WDR27: variants seen among roughly 807,000 people sequenced by gnomAD.
The protein encoded by WDR27 is WD repeat-containing protein 27.
WDR27 carries 100 observed loss-of-function variants against 114.4 expected under a neutral mutation model. The observed-to-expected ratio is 0.87, with a 90% CI of 0.74 to 1.03. The LOEUF is 1.03. Ranked by LOEUF, WDR27 falls within the 50% of genes least tolerant of loss-of-function variation. The pLI is 0.00. For synonymous variants in WDR27, 449 were observed against 423.1 expected, an observed-to-expected ratio of 1.06 and a Z score of -0.75; for missense variants, 1,129 against 1,092.9, an observed-to-expected ratio of 1.03 and a Z score of -0.47.
chr6:169,594,635 T>C (rs1325387263), intron 23 of WDR27, among the ~76,000 whole-genome samples: 1 of 152,254 alleles, frequency 6.6e-6, no homozygotes, highest in African/African-American at 2.4e-5. Context: ...TCATTGTGAA[T>C]TTTAGTCTTT....
intron 25 of WDR27, among the ~76,000 whole-genome samples, chr6:169,467,555 T>G (rs1785757092): frequency 6.6e-6 from 1 of 152,244 alleles, no homozygotes; most frequent in African/African-American, 2.4e-5. Flanking sequence ...GTTTCCACCC[T>G]CTGAAGCAAT....
At position 169,562,718 on chromosome 6, in the gene WDR27, C is replaced by T. The variant is rs148587253; in HGVS notation, c.2645+9701G>A. 2.1e-3 allele frequency among the ~76,000 whole-genome samples: 321 copies of T among 152,100 alleles called. 1 individual carries two copies. Among genetic ancestry groups the T allele is most frequent in the African/African-American group, 7.4e-3 (308 of 41,466 alleles). ...CACAGTGAGACCAGTGGGAGCTGGA[C>T]GGAAGGTTAGGCTCAGGGACATTTG... On this transcript the variant is annotated intron_variant, in intron 25 of 25. Transcript: ENST00000448612.
chr6:169,441,975 T>G, the WDR27 span, among the ~76,000 whole-genome samples: 2 of 152,218 alleles, frequency 1.3e-5, no homozygotes, highest in African/African-American at 4.8e-5. Flanking sequence ...AGGTTCTATT[T>G]TTATGTTTAT....
Position 169,543,952 on chromosome 6 carries a change from A to G in WDR27, c.2645+28467T>C, listed in dbSNP as rs77677359. On this transcript the variant is annotated intron_variant, in intron 25 of 25. Transcript: ENST00000448612. The stretch of plus-strand genomic sequence containing the variant: ...TGCAGATTTCAAATATTGACATATT[A>G]CATTATACAATATCAAAACATCACA... Among the ~76,000 whole-genome samples, 266 of 152,368 alleles carry G rather than the reference A, an allele frequency of 1.7e-3. 3 individuals are homozygous for G. The highest frequency in any genetic ancestry group is 5.9e-3 in the African/African-American group (247 of 41,594).
At chr6:169,567,273 T>C (rs569707144) in intron 25 of WDR27, among the ~76,000 whole-genome samples, 1 of 152,308 alleles carries the variant, frequency 6.6e-6, no homozygotes, top group South Asian at 2.1e-4. Context: ...GGCCCTTCCC[T>C]GCAGGTGTGA....
chr6:169,562,260 A>G (rs1799778789), intron 25 of WDR27, among the ~76,000 whole-genome samples: 1 of 152,214 alleles, frequency 6.6e-6, no homozygotes, highest in African/African-American at 2.4e-5. Flanking sequence ...TGTACACAGA[A>G]CACAAAGCAA....
intron 1 of WDR27, among the ~76,000 whole-genome samples, chr6:169,697,047 A>G (rs1786278384): frequency 6.6e-6 from 1 of 152,248 alleles, no homozygotes; most frequent in South Asian, 2.1e-4. Context: ...GACCGAGGAC[A>G]CGAGCTGTTC....
downstream of WDR27, among the ~76,000 whole-genome samples, chr6:169,455,126 A>G (rs774681426): frequency 2.6e-5 from 4 of 152,212 alleles, no homozygotes; most frequent in Non-Finnish European, 4.4e-5. Flanking sequence ...TGCAGCTGGA[A>G]AGCCTGGCTC....
At chr6:169,646,091 C>A (rs199932109) in intron 16 of WDR27, among the ~76,000 whole-genome samples, 2 of 152,358 alleles carry the variant, frequency 1.3e-5, no homozygotes, top group East Asian at 3.9e-4. Flanking sequence ...AAGAGTAGAA[C>A]TTCTAGTTAA....
chr6:169,639,391 A>G (rs1316851444), intron 17 of WDR27, among the ~76,000 whole-genome samples: 1 of 152,204 alleles, frequency 6.6e-6, no homozygotes, highest in Non-Finnish European at 1.5e-5. Flanking sequence ...ATTTAGTATT[A>G]TGAACTACAG....
Position 169,668,225 on chromosome 6 carries a change from G to A in WDR27, c.457-40C>T, listed in dbSNP as rs115175976. ...CCCAAATTATTCCTCTGTTCAAGCTGGAATTCTCTGTATATAAACCAAGGG... is the reference window on the plus strand; with the variant it reads ...CCCAAATTATTCCTCTGTTCAAGCTAGAATTCTCTGTATATAAACCAAGGG... On this transcript the variant is annotated intron_variant, in intron 4 of 25. Transcript: ENST00000448612. The A allele has an allele frequency of 8.5e-4, 1,364 of 1,603,134 alleles. 17 individuals are homozygous for A. In the African/African-American group the frequency reaches 0.017, roughly 20 times the overall value.
At chr6:169,556,249 T>C (rs1798872281) in intron 25 of WDR27, among the ~76,000 whole-genome samples, 1 of 152,074 alleles carries the variant, frequency 6.6e-6, no homozygotes, top group Non-Finnish European at 1.5e-5. Context: ...AGTCCTGCAG[T>C]CACAAGGAAT....
intron 25 of WDR27, among the ~76,000 whole-genome samples, chr6:169,490,861 C>T (rs1789658944): frequency 6.6e-6 from 1 of 152,158 alleles, no homozygotes. Context: ...CAGATTGCAG[C>T]ATCGTAACTT....
intron 25 of WDR27, among the ~76,000 whole-genome samples, chr6:169,505,676 C>T: frequency 6.6e-6 from 1 of 152,212 alleles, no homozygotes; most frequent in East Asian, 1.9e-4. Context: ...AGCAAACAAT[C>T]CTCAACTGCG....
At chr6:169,668,320 C>T (rs1049821540) in intron 4 of WDR27, 135 bp from the exon 5 acceptor site, 59 of 839,638 alleles carry the variant, frequency 7.0e-5, no homozygotes, top group Non-Finnish European at 4.6e-5. Context: ...TGTTAAAAGC[C>T]GACACTGACT....
intron 25 of WDR27, among the ~76,000 whole-genome samples, chr6:169,510,238 C>A (rs991359546): frequency 2.6e-5 from 4 of 152,182 alleles, no homozygotes; most frequent in African/African-American, 9.7e-5. Flanking sequence ...CCTCAGGGAT[C>A]TAGAACTAGA....
Position 169,659,927 on chromosome 6 carries a change from G to A in WDR27, c.1130-409C>T, listed in dbSNP as rs1825560629. On this transcript the variant is annotated intron_variant, in intron 10 of 25. Transcript: ENST00000448612. The surrounding 1 kb of genome is among the most constrained non-coding windows in gnomAD (Gnocchi z 4.3). ...AGCTGCGCCTGGCTGAGCTGGGGAG[G>A]GGCAGGGATGGGCGGCTGAAGGGAA... 6.6e-6 allele frequency among the ~76,000 whole-genome samples: 1 copy of A among 151,908 alleles called. No individual in the cohort carries two copies. Among genetic ancestry groups the A allele is most frequent in the Non-Finnish European group, 1.5e-5 (1 of 67,990 alleles).
At chr6:169,468,903 C>T (rs1785960471) in intron 25 of WDR27, among the ~76,000 whole-genome samples, 1 of 152,170 alleles carries the variant, frequency 6.6e-6, no homozygotes, top group African/African-American at 2.4e-5. Context: ...TACCTTCTGA[C>T]TTTGTGTTCA....
intron 1 of WDR27, among the ~76,000 whole-genome samples, chr6:169,689,884 G>A (rs1203251401): frequency 4.6e-5 from 7 of 152,186 alleles, no homozygotes; most frequent in Non-Finnish European, 8.8e-5. Context: ...CACTGGTCAC[G>A]TGGATTCAGA....
Sources: allele counts gnomAD v4.1 joint callset (sites outside exome capture counted in the v4.1 genomes callset), GRCh38; gene constraint gnomAD v4.1.1; non-coding constraint Gnocchi (gnomAD v3.1); transcripts MANE v1.5; gene names NCBI Gene and HGNC (gene_info 2026-07-23, HGNC 2026-07-21).